The following OBI1 variants were observed in gnomAD, a reference collection of about 807,000 sequenced individuals.
The protein encoded by OBI1 is ring finger protein 219.
In OBI1, 59 loss-of-function variants were observed where a neutral mutation model predicts 62.4. That is an observed-to-expected ratio of 0.95 (90% CI 0.77 to 1.17). OBI1 has a LOEUF of 1.17. OBI1 is among the 50% of genes most tolerant of loss of function. The probability of loss-of-function intolerance (pLI) is 0.00; values close to 1 mark genes in which losing one functional copy is unlikely to be tolerated. For synonymous variants in OBI1, 302 were observed against 292.8 expected (o/e 1.03, Z -0.32); for missense variants, 875 against 830.9 (o/e 1.05, Z -0.65).
intron 5 of OBI1, among the ~76,000 whole-genome samples, chr13:78,629,176 C>T (rs1475312563): frequency 1.3e-5 from 2 of 152,016 alleles, no homozygotes; most frequent in African/African-American, 4.8e-5. Context: ...TGAGGCATTG[C>T]TGAAGACTTG....
chr13:78,648,996 T>C (rs1876468451), intron 1 of OBI1, among the ~76,000 whole-genome samples: 1 of 151,870 alleles, frequency 6.6e-6, no homozygotes, highest in South Asian at 2.1e-4. Flanking sequence ...ATCTATGAAA[T>C]GGTTTTGAGC....
Position 78,659,076 on chromosome 13 carries a change from G to C in OBI1, c.45C>G (p.Pro15=), listed in dbSNP as rs145347701. ...VQNVTLSLTL[P]ITCHICLGKV... is the part of the protein sequence containing the mutation. ...TCCCCAAGCAAATGTGGCACGTGAT[G>C]GGCAGAGTGAGCGACAATGTAACAT... Residue 15 remains proline (P), a synonymous_variant, in exon 1 of 6, where the codon CCC becomes CCG. Coordinates refer to ENST00000282003, the MANE Select transcript of OBI1 (RefSeq NM_024546.4). 96 of 1,612,918 alleles carry C rather than the reference G, an allele frequency of 6.0e-5. No individual in the cohort carries two copies. Among genetic ancestry groups the C allele is most frequent in the Middle Eastern group, 1.7e-4 (1 of 6,054 alleles).
At chr13:78,637,316 C>G (rs1028481964) in intron 4 of OBI1, among the ~76,000 whole-genome samples, 1 of 152,176 alleles carries the variant, frequency 6.6e-6, no homozygotes, top group Non-Finnish European at 1.5e-5. Flanking sequence ...TAACCTATTA[C>G]CTACTAGCAT....
intron 5 of OBI1, among the ~76,000 whole-genome samples, chr13:78,632,494 T>A (rs1028144404): frequency 1.3e-5 from 2 of 152,166 alleles, no homozygotes; most frequent in Non-Finnish European, 2.9e-5. Flanking sequence ...GTAGGATACA[T>A]TGGAGACTAA....
At chr13:78,627,738 T>A (rs965421004) in intron 5 of OBI1, among the ~76,000 whole-genome samples, 2 of 152,250 alleles carry the variant, frequency 1.3e-5, no homozygotes, top group African/African-American at 4.8e-5. Flanking sequence ...AATAAACATA[T>A]GCAAGCATGT....
At chr13:78,651,982 C>T (rs1166907248) in intron 1 of OBI1, among the ~76,000 whole-genome samples, 1 of 152,156 alleles carries the variant, frequency 6.6e-6, no homozygotes, top group Non-Finnish European at 1.5e-5. Context: ...TTTAACCTCC[C>T]CATTTAATAT....
At chr13:78,656,521 G>A (rs901953461) in intron 1 of OBI1, among the ~76,000 whole-genome samples, 1 of 151,946 alleles carries the variant, frequency 6.6e-6, no homozygotes, top group Non-Finnish European at 1.5e-5. Flanking sequence ...GGCGGAGGTT[G>A]CGGTGAGCCG....
At chr13:78,630,561 A>G (rs1262215568) in intron 5 of OBI1, among the ~76,000 whole-genome samples, 3 of 152,148 alleles carry the variant, frequency 2.0e-5, no homozygotes, top group African/African-American at 7.2e-5. Flanking sequence ...TGATGGTATA[A>G]TATTTAAAGG....
At chr13:78,624,426 G>T (rs1406052810) in intron 5 of OBI1, among the ~76,000 whole-genome samples, 1 of 151,844 alleles carries the variant, frequency 6.6e-6, no homozygotes, top group Non-Finnish European at 1.5e-5. Flanking sequence ...TGAAGAGCAG[G>T]GTTAATAATT....
intron 5 of OBI1, among the ~76,000 whole-genome samples, chr13:78,621,460 G>A (rs574710334): frequency 1.6e-4 from 24 of 152,310 alleles, no homozygotes; most frequent in Admixed American, 1.4e-3. Context: ...AGACAGCAAA[G>A]TGTGCAGCTG....
intron 1 of OBI1, 92 bp downstream of exon 1, chr13:78,658,957 C>T: frequency 8.5e-7 from 1 of 1,169,810 alleles, no homozygotes; most frequent in Non-Finnish European, 1.3e-6. Context: ...GCGCCTCACG[C>T]CCCTTCCCCG....
At chr13:78,621,384 G>A (rs987784425) in intron 5 of OBI1, among the ~76,000 whole-genome samples, 8 of 152,172 alleles carry the variant, frequency 5.3e-5, no homozygotes, top group Non-Finnish European at 4.4e-5. Flanking sequence ...GACCCATCAA[G>A]TCACTTCTTT....
At position 78,642,110 on chromosome 13, in the gene OBI1, A is replaced by G; in HGVS notation, c.300+12T>C. The G allele has an allele frequency of 6.6e-7, 1 of 1,505,076 alleles. No homozygotes were observed. Among genetic ancestry groups the G allele is most frequent in the South Asian group, 1.1e-5 (1 of 87,300 alleles). 93.2% of individuals were successfully genotyped at this position (1,505,076 alleles called of 1,614,324 possible). ...ACTGCTAACATAATTTTAAACTTTGATTACTGTTTACCTCATATTCTTTGT... is the reference window on the plus strand; with the variant it reads ...ACTGCTAACATAATTTTAAACTTTGGTTACTGTTTACCTCATATTCTTTGT... On this transcript the variant is annotated intron_variant, in intron 3 of 5. Transcript: ENST00000282003.
intron 3 of OBI1, among the ~76,000 whole-genome samples, chr13:78,639,415 A>C (rs1396204622): frequency 6.6e-6 from 1 of 152,170 alleles, no homozygotes; most frequent in Non-Finnish European, 1.5e-5. Flanking sequence ...TAGTTCAACC[A>C]TCGTGGAAGT....
intron 1 of OBI1, among the ~76,000 whole-genome samples, chr13:78,651,602 T>C (rs897711650): frequency 1.3e-5 from 2 of 152,088 alleles, no homozygotes; most frequent in Non-Finnish European, 2.9e-5. Flanking sequence ...CTCTCCATCC[T>C]CCTGACAGTA....
At chr13:78,654,308 T>G (rs1332920737) in intron 1 of OBI1, among the ~76,000 whole-genome samples, 2 of 152,242 alleles carry the variant, frequency 1.3e-5, no homozygotes, top group African/African-American at 4.8e-5. Flanking sequence ...TTTCTGAAAG[T>G]GAATCCTTCA....
chr13:78,615,920 A>T lies in OBI1; in HGVS notation c.1841T>A (p.Leu614His). The change falls in exon 6 of 6, where the codon CTC (leucine) becomes CAC (histidine). Residue 614 changes from leucine to histidine, a missense_variant. Coordinates refer to ENST00000282003, the MANE Select transcript of OBI1 (RefSeq NM_024546.4). ...CATTTCTTGGTCAGATGGAGAGAGG[A>T]GAAAAAAAGAAGTGGGTTTCCATTC... Reference protein sequence around the residue: ...GSEWKPTSFFLLSPSDQEMNE... With the variant: ...GSEWKPTSFFHLSPSDQEMNE... The T allele has an allele frequency of 6.2e-7, 1 of 1,613,878 alleles. No individual in the cohort carries two copies. The highest frequency in any genetic ancestry group is 8.5e-7 in the Non-Finnish European group (1 of 1,179,954).
At chr13:78,629,503 AAC>A (rs987929874) in intron 5 of OBI1, among the ~76,000 whole-genome samples, 12 of 152,140 alleles carry the variant, frequency 7.9e-5, no homozygotes, top group Admixed American at 2.0e-4. Flanking sequence ...GGCACAACTG[AAC>A]AGAGACATGG....
intron 3 of OBI1, among the ~76,000 whole-genome samples, chr13:78,640,725 A>C (rs1428012947): frequency 6.6e-6 from 1 of 152,118 alleles, no homozygotes; most frequent in Non-Finnish European, 1.5e-5. Flanking sequence ...GCTTGAACCC[A>C]GGAGGCGGAG....
Sources: allele counts gnomAD v4.1 joint callset (sites outside exome capture counted in the v4.1 genomes callset), GRCh38; gene constraint gnomAD v4.1.1; transcripts MANE v1.5; gene names NCBI Gene and HGNC (gene_info 2026-07-23, HGNC 2026-07-21).